The following ZNF823 variants were observed in gnomAD, a reference collection of about 807,000 sequenced individuals.
ZNF823 encodes ZFP 36 for a zinc finger protein.
In ZNF823, 5 loss-of-function variants were observed where a neutral mutation model predicts 11.4. The ratio of observed to expected loss-of-function variants is 0.44; its 90% CI spans 0.23 to 0.92. The LOEUF (loss-of-function observed/expected upper bound fraction) is 0.92, where lower values mean the gene tolerates loss of function less well. Ranked by LOEUF, ZNF823 falls within the 40% of genes least tolerant of loss-of-function variation. The pLI is 0.24. For synonymous variants in ZNF823, 234 were observed against 250.5 expected (o/e 0.93, Z 0.62); for missense variants, 582 against 738.5 (o/e 0.79, Z 2.46).
At chr19:11,733,558 G>T (rs1362357978) in intron 1 of ZNF823, among the ~76,000 whole-genome samples, 2 of 151,826 alleles carry the variant, frequency 1.3e-5, no homozygotes, top group Non-Finnish European at 2.9e-5. Context: ...AATTGGCTGG[G>T]CGTGGTGGTG....
intron 1 of ZNF823, among the ~76,000 whole-genome samples, chr19:11,732,178 T>TTTTTTTTTA: frequency 6.7e-6 from 1 of 149,854 alleles, no homozygotes; most frequent in African/African-American, 2.5e-5. Flanking sequence ...CCTTTTTTTT[T>TTTTTTTTTA]TTTTGAGATG....
chr19:11,738,505 C>G (rs1323789335), intron 1 of ZNF823, among the ~76,000 whole-genome samples: 1 of 152,244 alleles, frequency 6.6e-6, no homozygotes, highest in Non-Finnish European at 1.5e-5. Context: ...TGACTCGGGC[C>G]GTGAACCTGT....
chr19:11,731,019 A>C (rs1220403862), intron 1 of ZNF823, among the ~76,000 whole-genome samples: 1 of 151,716 alleles, frequency 6.6e-6, no homozygotes, highest in East Asian at 1.9e-4. Flanking sequence ...AAAAAAAAAA[A>C]AAACCGCCCG....
intron 1 of ZNF823, among the ~76,000 whole-genome samples, chr19:11,730,286 CTG>C (rs1974869993): frequency 6.6e-6 from 1 of 152,126 alleles, no homozygotes; most frequent in East Asian, 1.9e-4. Context: ...AAATTCAACT[CTG>C]AAAATTAAGA....
At chr19:11,731,100 G>A (rs1182137824) in intron 1 of ZNF823, among the ~76,000 whole-genome samples, 1 of 151,786 alleles carries the variant, frequency 6.6e-6, no homozygotes, top group East Asian at 1.9e-4. Flanking sequence ...ATCACCTGAG[G>A]TCGGGAGTTC....
At position 11,723,353 on chromosome 19, in the gene ZNF823, TAAG is replaced by T. The variant is rs1424722052; in HGVS notation, c.192-14_192-12del. The T allele has an allele frequency of 1.9e-6, 3 of 1,568,158 alleles. No homozygotes were observed. The highest frequency in any genetic ancestry group is 4.6e-5 in the East Asian group (2 of 43,602). On this transcript the variant is annotated splice_polypyrimidine_tract_variant and intron_variant, in intron 3 of 3. Coordinates refer to ENST00000341191, the MANE Select transcript of ZNF823 (RefSeq NM_001080493.4). ...TCACATGTATGACTTCTGTAACAAA[TAAG>T]AAATATATTACTAAAGGTTTGTTTA...
chr19:11,730,189 A>G (rs1383773010), intron 1 of ZNF823, among the ~76,000 whole-genome samples: 1 of 152,072 alleles, frequency 6.6e-6, no homozygotes, highest in East Asian at 1.9e-4. Flanking sequence ...CGGCCTCCCA[A>G]CGTGCTGGGA....
chr19:11,736,682 A>G (rs139397909), intron 1 of ZNF823, among the ~76,000 whole-genome samples: 1 of 152,376 alleles, frequency 6.6e-6, no homozygotes, highest in Non-Finnish European at 1.5e-5. Context: ...AGCTGAAATG[A>G]GTGAACAAAT....
intron 1 of ZNF823, chr19:11,730,902 G>T (rs986834310): frequency 6.7e-6 from 1 of 149,156 alleles, no homozygotes; most frequent in Non-Finnish European, 1.5e-5. Context: ...CAGCAAAAAT[G>T]AAACAATTCA....
At chr19:11,724,728 T>A (rs896225121) in intron 2 of ZNF823, among the ~76,000 whole-genome samples, 2 of 151,662 alleles carry the variant, frequency 1.3e-5, no homozygotes, top group African/African-American at 2.4e-5. Context: ...CCGGCTAATT[T>A]TTTTTGTGTT....
intron 1 of ZNF823, among the ~76,000 whole-genome samples, chr19:11,733,058 A>G (rs537197333): frequency 1.1e-4 from 16 of 152,276 alleles, no homozygotes; most frequent in African/African-American, 3.8e-4. Flanking sequence ...GTTTAGGACT[A>G]CTTTGCCAGG....
In ZNF823 at chr19:11,721,601, G is replaced by A. The variant is rs973314442; in HGVS notation, c.*100C>T. On this transcript the variant is annotated 3_prime_UTR_variant, in exon 4 of 4. Transcript: ENST00000341191. Reference sequence around the variant, plus strand: ...ATTTAAAAAAATTGAAACTACTTAAGGCTTTATCCCATGTTTACATTCATA... The same window carrying A: ...ATTTAAAAAAATTGAAACTACTTAAAGCTTTATCCCATGTTTACATTCATA... 1 of 1,225,072 alleles carries A rather than the reference G, an allele frequency of 8.2e-7. No individual in the cohort carries two copies. The highest frequency in any genetic ancestry group is 1.5e-5 in the African/African-American group (1 of 65,696). The allele number at this position is 1,225,072 out of a possible 1,614,324, so 75.9% of individuals were successfully genotyped here.
rs764349958 is a variant in ZNF823, at chr19:11,722,584, G to T, written c.950C>A (p.Thr317Lys). 3 of 1,613,946 alleles carry T rather than the reference G, an allele frequency of 1.9e-6. No homozygotes were observed. Among genetic ancestry groups the T allele is most frequent in the Non-Finnish European group, 1.7e-6 (2 of 1,180,034 alleles). Residue 317 changes from threonine to lysine, a missense_variant, in exon 4 of 4, where the codon ACA becomes AAA. Around this residue, in one of 3 missense-constraint regions of ZNF823, gnomAD observed 429 missense variants for 553.7 expected, o/e 0.77. Coordinates refer to ENST00000341191, the MANE Select transcript of ZNF823 (RefSeq NM_001080493.4). The surrounding 1 kb of genome is among the most constrained non-coding windows in gnomAD (Gnocchi z 5.2). Reference sequence around the variant, plus strand: ...CCTTATCATGTGTCTTCGAAAGCTTGTGTGATGATAAAACGTTTTCCCACA... The same window carrying T: ...CCTTATCATGTGTCTTCGAAAGCTTTTGTGATGATAAAACGTTTTCCCACA... ...KQCGKTFYHH[T>K]SFRRHMIRHT...
At chr19:11,724,951 T>C (rs573314128) in intron 2 of ZNF823, among the ~76,000 whole-genome samples, 10 of 152,190 alleles carry the variant, frequency 6.6e-5, no homozygotes, top group Admixed American at 1.3e-4. Flanking sequence ...ACATACAATA[T>C]ATGGATTAAT....
At chr19:11,724,951 TATGG>T (rs2145206332) in intron 2 of ZNF823, among the ~76,000 whole-genome samples, 1 of 152,308 alleles carries the variant, frequency 6.6e-6, no homozygotes, top group East Asian at 1.9e-4. Flanking sequence ...ACATACAATA[TATGG>T]ATTAATCTAA....
intron 1 of ZNF823, among the ~76,000 whole-genome samples, chr19:11,729,909 T>G (rs933529020): frequency 4.6e-5 from 7 of 150,886 alleles, no homozygotes; most frequent in African/African-American, 1.5e-4. Flanking sequence ...TTATATCTTG[T>G]CCCTGAGTAA....
intron 1 of ZNF823, among the ~76,000 whole-genome samples, chr19:11,729,805 A>C (rs1384184531): frequency 6.6e-6 from 1 of 152,104 alleles, no homozygotes; most frequent in East Asian, 1.9e-4. Context: ...CACTGGTCTG[A>C]TATTTAGGCA....
rs1159581174 is a variant in ZNF823, at chr19:11,725,280, C to A, written c.51G>T (p.Glu17Asp). Residue 17 changes from glutamate (E) to aspartate (D), a missense_variant, in exon 2 of 4, where the codon GAG becomes GAT. Physicochemically the swap from Glu to Asp is conservative, Grantham distance 45. Transcript: ENST00000341191. ...TCTGTGATGGACCCAGCAAAGCCCA[C>A]TCCTCTTGTGTGAAGTTCACAGCCA... The part of the protein sequence containing the change: ...EDVAVNFTQE[E>D]WALLGPSQKS... 6.2e-7 allele frequency: 1 copy of A among 1,614,136 alleles called. No homozygotes were observed. The highest frequency in any genetic ancestry group is 1.7e-5 in the Admixed American group (1 of 60,014).
At chr19:11,724,357 G>T in intron 2 of ZNF823, 103 bp from the exon 3 acceptor site, 1 of 1,018,966 alleles carries the variant, frequency 9.8e-7, no homozygotes, top group Non-Finnish European at 1.4e-6. Flanking sequence ...ATTCACCAAA[G>T]TACATGTGAC....
Sources: allele counts gnomAD v4.1 joint callset (sites outside exome capture counted in the v4.1 genomes callset), GRCh38; gene constraint gnomAD v4.1.1; regional missense constraint gnomAD v4.1.1; non-coding constraint Gnocchi (gnomAD v3.1); transcripts MANE v1.5; gene names NCBI Gene and HGNC (gene_info 2026-07-23, HGNC 2026-07-21).